Variants in NTM observed in about 807,000 individuals in gnomAD.
The protein encoded by NTM is IgLON family member 2.
In NTM, 13 loss-of-function variants were observed where a neutral mutation model predicts 42.1. The observed-to-expected ratio is 0.31, with a 90% CI of 0.20 to 0.49. NTM has a LOEUF of 0.49. Among genes scored for constraint, NTM ranks in the 20% least tolerant of loss-of-function variants. The pLI, the probability that NTM is intolerant of heterozygous loss-of-function variation, is 0.99. For missense variants in NTM, 373 were observed against 452.8 expected (o/e 0.82, Z 1.60); for synonymous variants, 187 against 179.2 (o/e 1.04, Z -0.35).
At chr11:132,033,835 T>G (rs1489648360) in intron 2 of NTM, among the ~76,000 whole-genome samples, 1 of 152,204 alleles carries the variant, frequency 6.6e-6, no homozygotes, top group Non-Finnish European at 1.5e-5. Flanking sequence ...TTTTATAGAC[T>G]TAATGGTTGA....
intron 4 of NTM, among the ~76,000 whole-genome samples, chr11:132,299,874 T>A (rs1409817790): frequency 6.6e-6 from 1 of 152,126 alleles, no homozygotes; most frequent in Non-Finnish European, 1.5e-5. Flanking sequence ...CCAAAGGAAA[T>A]GTCAAGGAAC....
chr11:131,754,892 G>T (rs2083117965), intron 1 of NTM, among the ~76,000 whole-genome samples: 1 of 152,198 alleles, frequency 6.6e-6, no homozygotes, highest in Non-Finnish European at 1.5e-5. Context: ...CAATGTAGAT[G>T]AACTCACACC....
intron 1 of NTM, among the ~76,000 whole-genome samples, chr11:131,735,090 T>C (rs969275420): frequency 6.6e-5 from 10 of 152,192 alleles, no homozygotes; most frequent in South Asian, 2.1e-4. Context: ...TGCTAGATTG[T>C]ATAACAACTT....
chr11:131,945,521 T>C lies in NTM; in HGVS notation c.167+33873T>C, dbSNP rs507566. Among the ~76,000 whole-genome samples, 1,055 of 152,294 alleles carry C rather than the reference T, an allele frequency of 6.9e-3. 6 individuals are homozygous for C. The highest frequency in any genetic ancestry group is 0.021 in the South Asian group (100 of 4,818). On this transcript the variant is annotated intron_variant, in intron 2 of 8. Coordinates refer to ENST00000683400, the MANE Select transcript of NTM (RefSeq NM_001352005.2). ...AATGAGCCCCTAACACATGTAAGCC[T>C]ATACCCTTCTCTGAAAATAGCAAAA... is the stretch of plus-strand genomic sequence containing the variant.
chr11:132,103,248 A>G (rs945518631), intron 2 of NTM, among the ~76,000 whole-genome samples: 1 of 152,212 alleles, frequency 6.6e-6, no homozygotes, highest in African/African-American at 2.4e-5. Flanking sequence ...TCCCTGCCAG[A>G]TTGGAATCAG....
chr11:131,794,888 A>G, intron 1 of NTM: 1 of 985,292 alleles, frequency 1.0e-6, no homozygotes, highest in Non-Finnish European at 1.2e-6. Flanking sequence ...TATGATGGCC[A>G]CCCTTGTCAC....
At chr11:132,121,053 G>T (rs889638940) in intron 2 of NTM, among the ~76,000 whole-genome samples, 1 of 152,162 alleles carries the variant, frequency 6.6e-6, no homozygotes, top group Admixed American at 6.5e-5. Context: ...ATGCTCATCT[G>T]GTTTAACTCT....
rs79361639 is a variant in NTM at position 131,717,864 on chromosome 11, C to G, written c.83-193700C>G. Among the ~76,000 whole-genome samples the G allele has an allele frequency of 8.2e-3, 1,248 of 152,248 alleles. 21 individuals carry two copies. Among genetic ancestry groups the G allele is most frequent in the African/African-American group, 0.025 (1,020 of 41,558 alleles). On this transcript the variant is annotated intron_variant, in intron 1 of 8. Coordinates refer to ENST00000683400, the MANE Select transcript of NTM (RefSeq NM_001352005.2). ...TAGCTGTAGGTTTTCTATACATGCT[C>G]TTTATCAGTTTGAGAAAGTTCTCTT...
intron 4 of NTM, among the ~76,000 whole-genome samples, chr11:132,269,927 A>G (rs1276535832): frequency 6.6e-6 from 1 of 152,242 alleles, no homozygotes; most frequent in Non-Finnish European, 1.5e-5. Context: ...TTTAAGGTTG[A>G]TGACTTTTGA....
chr11:131,929,439 C>G (rs1439590949), intron 2 of NTM, among the ~76,000 whole-genome samples: 3 of 151,562 alleles, frequency 2.0e-5, no homozygotes, highest in African/African-American at 7.3e-5. Context: ...TGAGCTGCTG[C>G]ATGTTAGCAG....
At chr11:132,291,908 G>T (rs573517359) in intron 4 of NTM, among the ~76,000 whole-genome samples, 1 of 152,320 alleles carries the variant, frequency 6.6e-6, no homozygotes. Flanking sequence ...GGATTGGACT[G>T]GTTGAAGTGT....
intron 4 of NTM, among the ~76,000 whole-genome samples, chr11:132,266,202 A>T (rs1278212704): frequency 6.6e-6 from 1 of 152,110 alleles, no homozygotes; most frequent in East Asian, 1.9e-4. Flanking sequence ...AGGGACAGGG[A>T]TTGATCACTC....
intron 1 of NTM, among the ~76,000 whole-genome samples, chr11:131,785,573 C>T (rs2089010112): frequency 1.3e-5 from 2 of 152,180 alleles, no homozygotes; most frequent in Admixed American, 6.5e-5. Context: ...GAACTCAAGA[C>T]AGAATTTACT....
intron 2 of NTM, among the ~76,000 whole-genome samples, chr11:132,112,517 A>G (rs2063342095): frequency 6.6e-6 from 1 of 152,172 alleles, no homozygotes; most frequent in African/African-American, 2.4e-5. Context: ...GGTGGAGTCA[A>G]CAGCAAGAAA....
intron 1 of NTM, among the ~76,000 whole-genome samples, chr11:131,611,425 T>A (rs576860253): frequency 1.1e-4 from 16 of 152,322 alleles, no homozygotes; most frequent in Non-Finnish European, 1.3e-4. Context: ...ACGCTGCATA[T>A]GAACATGAAT....
intron 2 of NTM, among the ~76,000 whole-genome samples, chr11:132,082,050 G>A (rs1177148344): frequency 7.2e-6 from 1 of 139,284 alleles, no homozygotes; most frequent in African/African-American, 2.8e-5. Flanking sequence ...TGGAAAAATG[G>A]AATTAAAAGA....
intron 1 of NTM, among the ~76,000 whole-genome samples, chr11:131,580,503 G>C (rs2058312931): frequency 6.6e-6 from 1 of 152,078 alleles, no homozygotes; most frequent in Admixed American, 6.6e-5. Context: ...AGAGAACAAA[G>C]GTTAAGGCAC....
chr11:131,500,662 A>G (rs373062), intron 1 of NTM, among the ~76,000 whole-genome samples: 76,072 of 138,748 alleles, frequency 0.55, 23,279 homozygotes, highest in African/African-American at 0.83. Context: ...GGATACATGC[A>G]CCATGCTGGT....
intron 1 of NTM, among the ~76,000 whole-genome samples, chr11:131,577,076 C>A (rs2058006698): frequency 6.6e-6 from 1 of 152,154 alleles, no homozygotes; most frequent in Non-Finnish European, 1.5e-5. Context: ...TGAATTTTGG[C>A]TCTTCTGATT....
Sources: allele counts gnomAD v4.1 joint callset (sites outside exome capture counted in the v4.1 genomes callset), GRCh38; gene constraint gnomAD v4.1.1; transcripts MANE v1.5; gene names NCBI Gene and HGNC (gene_info 2026-07-23, HGNC 2026-07-21).